Variants in TMEM167A observed in about 807,000 individuals in gnomAD.
TMEM167A encodes the protein protein kish-A.
A neutral mutation model predicts 11.6 loss-of-function variants in TMEM167A; 8 were observed. The observed-to-expected ratio is 0.69, with a 90% CI of 0.40 to 1.24. TMEM167A has a LOEUF of 1.24. Among genes scored for constraint, TMEM167A ranks in the 50% most tolerant of loss-of-function variants. TMEM167A has a pLI of 0.01. For synonymous variants in TMEM167A, 22 were observed against 28.0 expected (o/e 0.79, Z 0.67); for missense variants, 62 against 87.0 (o/e 0.71, Z 1.14).
chr5:83,073,379 T>C (rs976889967), intron 1 of TMEM167A, among the ~76,000 whole-genome samples: 3 of 152,186 alleles, frequency 2.0e-5, no homozygotes, highest in African/African-American at 7.2e-5. Flanking sequence ...GGCGAATTGA[T>C]ATAAACAAGA....
chr5:83,068,245 T>A (rs769422161), intron 1 of TMEM167A, among the ~76,000 whole-genome samples: 1 of 152,062 alleles, frequency 6.6e-6, no homozygotes, highest in Non-Finnish European at 1.5e-5. Flanking sequence ...AATGAGGCAG[T>A]GGGGATTAAA....
chr5:83,072,152 T>C (rs904404778), intron 1 of TMEM167A, among the ~76,000 whole-genome samples: 3 of 152,190 alleles, frequency 2.0e-5, no homozygotes, highest in African/African-American at 7.2e-5. Flanking sequence ...TACAATTAAT[T>C]TGCTGTTTGT....
chr5:83,072,827 C>G (rs1398397703), intron 1 of TMEM167A, among the ~76,000 whole-genome samples: 1 of 152,086 alleles, frequency 6.6e-6, no homozygotes, highest in Non-Finnish European at 1.5e-5. Context: ...AGATCAGCAC[C>G]CACATCAGAT....
At chr5:83,072,689 C>G (rs901759154) in intron 1 of TMEM167A, among the ~76,000 whole-genome samples, 1 of 152,060 alleles carries the variant, frequency 6.6e-6, no homozygotes, top group Non-Finnish European at 1.5e-5. Flanking sequence ...CCACCAAGCC[C>G]GGCTAGTTTT....
rs527695191 is a variant in TMEM167A, at chr5:83,076,771, C to CA, written c.3+549dup. Among the ~76,000 whole-genome samples the CA allele has an allele frequency of 7.7e-4, 118 of 152,322 alleles. 1 individual carries two copies. The highest frequency in any genetic ancestry group is 3.4e-3 in the Middle Eastern group (1 of 294). ...TAAGTACATTAAGCTCCTAGAAGGG[C>CA]AATCCACCTTTGCAGAGAACTCTTA... On this transcript the variant is annotated intron_variant, in intron 1 of 3. Coordinates refer to ENST00000502346, the MANE Select transcript of TMEM167A (RefSeq NM_174909.5).
intron 3 of TMEM167A, among the ~76,000 whole-genome samples, chr5:83,061,020 A>C (rs976988218): frequency 6.6e-6 from 1 of 152,162 alleles, no homozygotes; most frequent in Non-Finnish European, 1.5e-5. Context: ...GGAAAGTTGT[A>C]AGACAACCAC....
Position 83,056,912 on chromosome 5 carries a change from T to TG in TMEM167A, c.*171dup. 1 of 663,538 alleles carries TG rather than the reference T, an allele frequency of 1.5e-6. No homozygotes were observed. Among genetic ancestry groups the TG allele is most frequent in the Admixed American group, 2.6e-5 (1 of 38,378 alleles). The allele number at this position is 663,538 out of a possible 1,614,324, so 41.1% of individuals were successfully genotyped here. A position where few individuals can be genotyped will look rare whatever the true frequency, so the allele number is the denominator to read the frequency against. On this transcript the variant is annotated 3_prime_UTR_variant, in exon 4 of 4. Transcript: ENST00000502346. ...GACTATTAAATGGTTACATCTTAAT[T>TG]GTTTATACAGAACATTGGTCCAATA...
chr5:83,062,732 T>C (rs1389962540), intron 2 of TMEM167A, among the ~76,000 whole-genome samples: 1 of 152,002 alleles, frequency 6.6e-6, no homozygotes, highest in African/African-American at 2.4e-5. Flanking sequence ...AGTAAAAGAA[T>C]TATAAATAGT....
intron 3 of TMEM167A, 144 bp downstream of exon 3, chr5:83,061,733 T>C: frequency 1.3e-6 from 1 of 778,644 alleles, no homozygotes; most frequent in South Asian, 1.7e-5. Context: ...AAGAGCTTGG[T>C]ACAACTTATA....
At chr5:83,065,345 T>C (rs1248546319) in intron 1 of TMEM167A, among the ~76,000 whole-genome samples, 1 of 152,062 alleles carries the variant, frequency 6.6e-6, no homozygotes, top group Non-Finnish European at 1.5e-5. Context: ...TTCTAAGTCT[T>C]TGGCTGGGCG....
chr5:83,057,601 G>A (rs949903835), intron 3 of TMEM167A, among the ~76,000 whole-genome samples: 1 of 151,952 alleles, frequency 6.6e-6, no homozygotes, highest in African/African-American at 2.4e-5. Context: ...ACACTTAAAG[G>A]TACAGGGAAG....
chr5:83,068,626 A>T (rs1744517886), intron 1 of TMEM167A, among the ~76,000 whole-genome samples: 1 of 152,152 alleles, frequency 6.6e-6, no homozygotes, highest in Non-Finnish European at 1.5e-5. Context: ...GGCAAATAGC[A>T]AGCTCCAGAA....
At chr5:83,059,903 C>G (rs1031261161) in intron 3 of TMEM167A, among the ~76,000 whole-genome samples, 1 of 151,438 alleles carries the variant, frequency 6.6e-6, no homozygotes, top group Non-Finnish European at 1.5e-5. Context: ...GTCAAATGTC[C>G]CAGAGTGGTA....
chr5:83,066,768 G>T (rs958328082), intron 1 of TMEM167A, among the ~76,000 whole-genome samples: 13 of 152,168 alleles, frequency 8.5e-5, no homozygotes, highest in East Asian at 1.9e-4. Context: ...ACGGGGTGGT[G>T]GGGGGTAGAT....
intron 1 of TMEM167A, among the ~76,000 whole-genome samples, chr5:83,070,017 A>G (rs921188210): frequency 6.6e-6 from 1 of 152,172 alleles, no homozygotes; most frequent in Non-Finnish European, 1.5e-5. Flanking sequence ...AAGTAGAAAG[A>G]TGCAAATTTC....
At chr5:83,076,221 T>C (rs1009380586) in intron 1 of TMEM167A, among the ~76,000 whole-genome samples, 13 of 152,230 alleles carry the variant, frequency 8.5e-5, no homozygotes, top group African/African-American at 3.1e-4. Context: ...GTGAACTTGA[T>C]ATTTCCATGC....
intron 3 of TMEM167A, among the ~76,000 whole-genome samples, chr5:83,059,398 T>C (rs1396834493): frequency 6.6e-6 from 1 of 152,034 alleles, no homozygotes; most frequent in African/African-American, 2.4e-5. Flanking sequence ...CTTTATGCAT[T>C]AGCAATTTAA....
At chr5:83,060,775 G>A (rs1254522925) in intron 3 of TMEM167A, among the ~76,000 whole-genome samples, 7 of 151,160 alleles carry the variant, frequency 4.6e-5, no homozygotes. Flanking sequence ...AGCTTGCAGT[G>A]AGCGGAGATC....
At chr5:83,073,751 T>C (rs927708847) in intron 1 of TMEM167A, among the ~76,000 whole-genome samples, 8 of 152,194 alleles carry the variant, frequency 5.3e-5, no homozygotes, top group African/African-American at 9.6e-5. Context: ...CAACGTGCAA[T>C]TGGGAATGGA....
Sources: gnomAD v4.1 joint callset for allele counts (sites outside exome capture counted in the v4.1 genomes callset) on GRCh38, gnomAD v4.1.1 for gene constraint, MANE v1.5 for transcripts, NCBI Gene and HGNC (gene_info 2026-07-23, HGNC 2026-07-21) for gene names.